The following RGS7 variants were observed in gnomAD, a reference collection of about 807,000 sequenced individuals.
The protein encoded by RGS7 is regulator of G protein signaling 7.
RGS7 carries 27 observed loss-of-function variants against 81.1 expected under a neutral mutation model. The ratio of observed to expected loss-of-function variants is 0.33; its 90% CI spans 0.25 to 0.46. The LOEUF (loss-of-function observed/expected upper bound fraction) is 0.46. Ranked by LOEUF, RGS7 falls within the 20% of genes least tolerant of loss-of-function variation. The pLI, the probability that RGS7 is intolerant of heterozygous loss-of-function variation, is 1.00. For synonymous variants in RGS7, 208 were observed against 207.7 expected (o/e 1.00, Z -0.01); for missense variants, 396 against 607.4 (o/e 0.65, Z 3.66).
chr1:241,342,310 C>T (rs139391872), intron 2 of RGS7, among the ~76,000 whole-genome samples: 1,736 of 152,246 alleles, frequency 0.011, 23 homozygotes, highest in Admixed American at 0.024. Context: ...AGCACACCAG[C>T]AGCTAAAAAT....
chr1:241,047,429 T>C (rs2148792855), intron 3 of RGS7, among the ~76,000 whole-genome samples: 1 of 152,116 alleles, frequency 6.6e-6, no homozygotes, highest in Non-Finnish European at 1.5e-5. Flanking sequence ...TCTCTCTCAC[T>C]TGGGGTTAGA....
At chr1:240,907,518 TAAGGAGGTTTTCATGA>T (rs71172660) in intron 6 of RGS7, among the ~76,000 whole-genome samples, 15,983 of 152,156 alleles carry the variant, frequency 0.11, 1,114 homozygotes, top group Middle Eastern at 0.18. Context: ...TGTTTCCTTT[TAAGGAGGTTTTCATGA>T]AAGAATTTTT....
chr1:241,076,045 G>C (rs528488347), intron 3 of RGS7, among the ~76,000 whole-genome samples: 1 of 152,114 alleles, frequency 6.6e-6, no homozygotes, highest in Non-Finnish European at 1.5e-5. Flanking sequence ...TCCAACTTGC[G>C]ATGGCTTAAC....
At chr1:240,944,302 A>C (rs796807710) in intron 4 of RGS7, among the ~76,000 whole-genome samples, 3 of 114,362 alleles carry the variant, frequency 2.6e-5, no homozygotes, top group African/African-American at 3.3e-5. Flanking sequence ...ATATATATAT[A>C]TATATATATA....
chr1:240,785,892 T>A (rs1235678334), intron 18 of RGS7, among the ~76,000 whole-genome samples: 1 of 152,038 alleles, frequency 6.6e-6, no homozygotes, highest in Non-Finnish European at 1.5e-5. Context: ...GGTGGGTGAG[T>A]TCCTAGAATG....
intron 4 of RGS7, among the ~76,000 whole-genome samples, chr1:240,943,360 A>T (rs1291962603): frequency 2.0e-5 from 3 of 152,204 alleles, no homozygotes; most frequent in Non-Finnish European, 4.4e-5. Flanking sequence ...AGAAGTTGAC[A>T]AAATAATAAT....
chr1:241,110,889 T>C (rs906478549), intron 2 of RGS7, among the ~76,000 whole-genome samples: 1 of 152,072 alleles, frequency 6.6e-6, no homozygotes, highest in African/African-American at 2.4e-5. Flanking sequence ...TTCACCATGT[T>C]ATCCAGGCTG....
chr1:241,150,938 G>A (rs72632888), intron 2 of RGS7, among the ~76,000 whole-genome samples: 7,392 of 152,200 alleles, frequency 0.049, 411 homozygotes, highest in East Asian at 0.3. Context: ...GTCCAAAGGC[G>A]GGAAAACCTG....
At chr1:241,316,190 T>G (rs1338567257) in intron 2 of RGS7, among the ~76,000 whole-genome samples, 1 of 152,196 alleles carries the variant, frequency 6.6e-6, no homozygotes, top group Non-Finnish European at 1.5e-5. Flanking sequence ...AGTGTTTCCA[T>G]GCCCTCTGCA....
intron 3 of RGS7, among the ~76,000 whole-genome samples, chr1:241,004,575 T>C (rs964382644): frequency 6.6e-6 from 1 of 152,168 alleles, no homozygotes; most frequent in African/African-American, 2.4e-5. Flanking sequence ...GCCTTCTGGA[T>C]GAAGACCCAA....
At chr1:241,258,365 C>T (rs889678253) in intron 2 of RGS7, among the ~76,000 whole-genome samples, 3 of 152,016 alleles carry the variant, frequency 2.0e-5, no homozygotes, top group African/African-American at 7.2e-5. Flanking sequence ...ATTTCAGGAA[C>T]GAGAAGTAAT....
intron 4 of RGS7, among the ~76,000 whole-genome samples, chr1:240,964,740 T>C (rs974589904): frequency 3.3e-5 from 5 of 152,212 alleles, no homozygotes; most frequent in Non-Finnish European, 5.9e-5. Flanking sequence ...CCCTATCATA[T>C]TGCAGAGATT....
At chr1:240,807,738 A>G (rs1488982077) in intron 14 of RGS7, among the ~76,000 whole-genome samples, 2 of 152,190 alleles carry the variant, frequency 1.3e-5, no homozygotes, top group African/African-American at 4.8e-5. Flanking sequence ...GCACTCTAAT[A>G]GGAATACTAT....
At chr1:240,783,136 A>C (rs1684411306) in intron 18 of RGS7, among the ~76,000 whole-genome samples, 1 of 152,220 alleles carries the variant, frequency 6.6e-6, no homozygotes, top group Admixed American at 6.5e-5. Context: ...TTACATAAAC[A>C]AAGAGAGTTC....
chr1:241,284,914 A>G (rs374897287), intron 2 of RGS7, among the ~76,000 whole-genome samples: 16 of 151,952 alleles, frequency 1.1e-4, no homozygotes, highest in Middle Eastern at 3.4e-3. Context: ...TCTGTCGCCC[A>G]GGCTGGAGTG....
intron 10 of RGS7, among the ~76,000 whole-genome samples, chr1:240,820,861 G>A (rs777876193): frequency 6.6e-6 from 1 of 152,152 alleles, no homozygotes; most frequent in Non-Finnish European, 1.5e-5. Flanking sequence ...CTAAGTCAGA[G>A]ACAGTAAAAT....
At chr1:241,124,482 A>G (rs1278972542) in intron 2 of RGS7, among the ~76,000 whole-genome samples, 1 of 152,248 alleles carries the variant, frequency 6.6e-6, no homozygotes, top group African/African-American at 2.4e-5. Flanking sequence ...ATTGGTCAAC[A>G]GATGGAAGAG....
At chr1:240,981,321 A>G (rs1684881731) in intron 4 of RGS7, among the ~76,000 whole-genome samples, 1 of 152,124 alleles carries the variant, frequency 6.6e-6, no homozygotes, top group Non-Finnish European at 1.5e-5. Flanking sequence ...CGTATTGGCC[A>G]GGCTGGTCTC....
intron 6 of RGS7, among the ~76,000 whole-genome samples, chr1:240,912,150 C>CAAAAA (rs374318547): frequency 2.3e-4 from 13 of 55,808 alleles, no homozygotes; most frequent in South Asian, 2.4e-3. Flanking sequence ...GATTCTGTCT[C>CAAAAA]AAAAAAAAAA....
Sources: gnomAD v4.1 joint callset for allele counts (sites outside exome capture counted in the v4.1 genomes callset) on GRCh38, gnomAD v4.1.1 for gene constraint, MANE v1.5 for transcripts, NCBI Gene and HGNC (gene_info 2026-07-23, HGNC 2026-07-21) for gene names.